The following ECPAS variants were observed in gnomAD, a reference collection of about 807,000 sequenced individuals.
ECPAS encodes proteasome adapter and scaffold protein ECM29.
A neutral mutation model predicts 255.1 loss-of-function variants in ECPAS; 70 were observed. The ratio of observed to expected loss-of-function variants is 0.27; its 90% CI spans 0.23 to 0.33. The LOEUF is 0.33. Ranked by LOEUF, ECPAS falls within the 10% of genes least tolerant of loss-of-function variation. The probability of loss-of-function intolerance (pLI) is 1.00; values close to 1 mark genes in which losing one functional copy is unlikely to be tolerated. For synonymous variants in ECPAS, 784 were observed against 775.0 expected (o/e 1.01, Z -0.19); for missense variants, 1,817 against 2,206.4 (o/e 0.82, Z 3.54).
intron 36 of ECPAS, among the ~76,000 whole-genome samples, chr9:111,377,813 C>T (rs192051362): frequency 5.3e-5 from 8 of 152,282 alleles, no homozygotes; most frequent in African/African-American, 1.7e-4. Flanking sequence ...TCTGTATTAA[C>T]TTTTCACAAT....
At chr9:111,407,428 A>AAAAAAAAAAACAAAAAAAAAAAAAG (rs2098186510) in intron 24 of ECPAS, among the ~76,000 whole-genome samples, 2 of 98,726 alleles carry the variant, frequency 2.0e-5, no homozygotes, top group Non-Finnish European at 5.2e-5. Flanking sequence ...AAAAAAAAAA[A>AAAAAAAAAAACAAAAAAAAAAAAAG]AAAAAAAAAA....
chr9:111,392,540 T>C (rs1006001610), intron 28 of ECPAS, among the ~76,000 whole-genome samples: 1 of 152,208 alleles, frequency 6.6e-6, no homozygotes, highest in African/African-American at 2.4e-5. Context: ...ATACATTATC[T>C]GAGACCATTA....
intron 10 of ECPAS, among the ~76,000 whole-genome samples, chr9:111,426,649 C>G (rs1214068092): frequency 6.8e-6 from 1 of 147,798 alleles, no homozygotes. Flanking sequence ...TGAGCCCAAG[C>G]ATTCAAGGCC....
At position 111,389,672 on chromosome 9, in the gene ECPAS, C is replaced by A; in HGVS notation, c.3331G>T (p.Ala1111Ser). Reference sequence around the variant, plus strand: ...GGAACTAGCTGAGGCAGAAAAGGAGCCAGCTGCTCTCCAGCTCTGGTAGCA... The same window carrying A: ...GGAACTAGCTGAGGCAGAAAAGGAGACAGCTGCTCTCCAGCTCTGGTAGCA... ...VIATRAGEQLAPFLPQLVPRL... is the reference protein window; with the variant it reads ...VIATRAGEQLSPFLPQLVPRL... Residue 1111 changes from alanine (A) to serine (S), a missense_variant, in exon 31 of 50, where the codon GCT (alanine) becomes TCT (serine). Physicochemically the swap from Ala to Ser is moderately conservative, Grantham distance 99. Around this residue, in one of 4 missense-constraint regions of ECPAS, gnomAD observed 960 missense variants for 1,179.0 expected, o/e 0.81. Transcript: ENST00000684092. 1 of 1,613,748 alleles carries A rather than the reference C, an allele frequency of 6.2e-7. No individual in the cohort carries two copies. Among genetic ancestry groups the A allele is most frequent in the Non-Finnish European group, 8.5e-7 (1 of 1,179,758 alleles).
chr9:111,423,106 CACG>C, intron 13 of ECPAS, 90 bp downstream of exon 13: 2 of 871,522 alleles, frequency 2.3e-6, no homozygotes, highest in East Asian at 2.7e-5. Flanking sequence ...CTTTCAGAAT[CACG>C]ACAAATTTAT....
At chr9:111,402,678 G>A (rs965080529) in intron 24 of ECPAS, among the ~76,000 whole-genome samples, 13 of 152,050 alleles carry the variant, frequency 8.5e-5, no homozygotes, top group African/African-American at 3.1e-4. Flanking sequence ...AAAAAATGGG[G>A]GTACTGGAAT....
At position 111,416,329 on chromosome 9, in the gene ECPAS, T is replaced by G; in HGVS notation, c.1707A>C (p.Pro569=). 6.2e-7 allele frequency: 1 copy of G among 1,613,750 alleles called. No homozygotes were observed. Among genetic ancestry groups the G allele is most frequent in the African/African-American group, 1.3e-5 (1 of 75,060 alleles). The change falls in exon 18 of 50, where the codon CCA becomes CCC. Residue 569 remains proline, a synonymous_variant. Transcript: ENST00000684092. ...CAGTGGTCCCGGTCATGTACTTGAC[T>G]GGAGTTTTCATTCGATGAGAAGCCT... ...QEKASHRMKT[P]VKYMTGTTVL...
At chr9:111,378,805 T>A in intron 35 of ECPAS, 75 bp from the exon 36 acceptor site, 1 of 1,411,640 alleles carries the variant, frequency 7.1e-7, no homozygotes, top group East Asian at 2.4e-5. Context: ...ACCATGAGGA[T>A]GTTCTGCAGT....
At chr9:111,445,591 A>G (rs2098251843) in intron 3 of ECPAS, among the ~76,000 whole-genome samples, 1 of 152,202 alleles carries the variant, frequency 6.6e-6, no homozygotes, top group Non-Finnish European at 1.5e-5. Flanking sequence ...CAGAACGATA[A>G]GAGTTCATAA....
chr9:111,362,667 A>T (rs181461091), intron 49 of ECPAS, among the ~76,000 whole-genome samples: 53 of 152,320 alleles, frequency 3.5e-4, no homozygotes, highest in African/African-American at 1.3e-3. Flanking sequence ...AATTTTTAGA[A>T]AATAAGAAAG....
At position 111,457,477 on chromosome 9, in the gene ECPAS, G is replaced by C. The variant is rs1347805825; in HGVS notation, c.23-5922C>G. Among the ~76,000 whole-genome samples, 6 of 152,126 alleles carry C rather than the reference G, an allele frequency of 3.9e-5. No homozygotes were observed. The East Asian group carries it at 1.2e-3, about 29-fold the overall frequency. On this transcript the variant is annotated intron_variant, in intron 2 of 49. Coordinates refer to ENST00000684092, the MANE Select transcript of ECPAS (RefSeq NM_001364929.1). ...GAATTACCTTAGATAGGACAGGAAG[G>C]CCATCTCTGCCATTGTAACAGGAGG...
intron 4 of ECPAS, among the ~76,000 whole-genome samples, chr9:111,444,040 G>A (rs1489742108): frequency 6.6e-6 from 1 of 151,898 alleles, no homozygotes; most frequent in Non-Finnish European, 1.5e-5. Context: ...TGCCCAAGCC[G>A]TATAACATTT....
intron 35 of ECPAS, among the ~76,000 whole-genome samples, chr9:111,380,954 G>C (rs2098139836): frequency 6.6e-6 from 1 of 152,214 alleles, no homozygotes; most frequent in Non-Finnish European, 1.5e-5. Flanking sequence ...TGGCTGATTT[G>C]ATCTTCTATC....
chr9:111,482,416 C>T (rs12347418), intron 1 of ECPAS, among the ~76,000 whole-genome samples: 43,887 of 152,156 alleles, frequency 0.29, 8,024 homozygotes, highest in Non-Finnish European at 0.42. Flanking sequence ...CACAAGGTTG[C>T]TATGAGGGCA....
intron 32 of ECPAS, among the ~76,000 whole-genome samples, chr9:111,386,117 C>G (rs991657981): frequency 6.6e-6 from 1 of 152,188 alleles, no homozygotes; most frequent in Non-Finnish European, 1.5e-5. Context: ...GCACATGCCA[C>G]TGGGCCCAGC....
At position 111,361,822 on chromosome 9, in the gene ECPAS, T is replaced by G. The variant is rs747365730; in HGVS notation, c.*208A>C. The G allele has an allele frequency of 1.4e-5, 6 of 436,658 alleles. No homozygotes were observed. Among genetic ancestry groups the G allele is most frequent in the African/African-American group, 2.0e-5 (1 of 49,012 alleles). The allele number at this position is 436,658 out of a possible 1,614,324, so 27.0% of individuals were successfully genotyped here. Reference sequence around the variant, plus strand: ...CACCCCTCAAACATCCAAGGTTCCATTAAGCTCACTCAGCCCAGATACTTT... The same window carrying G: ...CACCCCTCAAACATCCAAGGTTCCAGTAAGCTCACTCAGCCCAGATACTTT... On this transcript the variant is annotated 3_prime_UTR_variant, in exon 50 of 50. Transcript: ENST00000684092.
At chr9:111,377,825 A>T (rs2098135176) in intron 36 of ECPAS, among the ~76,000 whole-genome samples, 1 of 152,042 alleles carries the variant, frequency 6.6e-6, no homozygotes, top group Non-Finnish European at 1.5e-5. Context: ...TTTCACAATA[A>T]ATATGTTTCA....
In ECPAS at chr9:111,362,820, C is replaced by T. The variant is rs1250248599; in HGVS notation, c.5381-651G>A. On this transcript the variant is annotated intron_variant, in intron 49 of 49. Coordinates refer to ENST00000684092, the MANE Select transcript of ECPAS (RefSeq NM_001364929.1). ...CTGGCAAACTGAGAATTCGGTAATACGACTAAGTGCCTAGCTCTTTTATCT... is the reference window on the plus strand; with the variant it reads ...CTGGCAAACTGAGAATTCGGTAATATGACTAAGTGCCTAGCTCTTTTATCT... Among the ~76,000 whole-genome samples the T allele has an allele frequency of 2.6e-5, 4 of 152,042 alleles. No individual in the cohort carries two copies. The South Asian group carries it at 8.3e-4, about 32-fold the overall frequency.
At chr9:111,395,007 C>T (rs1414555501) in intron 25 of ECPAS, among the ~76,000 whole-genome samples, 2 of 152,202 alleles carry the variant, frequency 1.3e-5, no homozygotes, top group Non-Finnish European at 2.9e-5. Context: ...ATAGAAATCA[C>T]GAATGACTTT....
Sources: allele counts gnomAD v4.1 joint callset (sites outside exome capture counted in the v4.1 genomes callset), GRCh38; gene constraint gnomAD v4.1.1; regional missense constraint gnomAD v4.1.1; transcripts MANE v1.5; gene names NCBI Gene and HGNC (gene_info 2026-07-23, HGNC 2026-07-21).